The following PSMD1 variants were observed in gnomAD, a reference collection of about 807,000 sequenced individuals.
PSMD1 encodes the protein 26S proteasome non-ATPase regulatory subunit 1.
PSMD1 carries 18 observed loss-of-function variants against 119.0 expected under a neutral mutation model. That is an observed-to-expected ratio of 0.15 (90% CI 0.10 to 0.22). PSMD1 has a LOEUF of 0.22. Among genes scored for constraint, PSMD1 ranks in the 10% least tolerant of loss-of-function variants. The pLI is 1.00. For synonymous variants in PSMD1, 374 were observed against 396.6 expected, an observed-to-expected ratio of 0.94 and a Z score of 0.68; for missense variants, 702 against 1,158.5, an observed-to-expected ratio of 0.61 and a Z score of 5.72.
intron 16 of PSMD1, among the ~76,000 whole-genome samples, chr2:231,094,874 T>G (rs1024560092): frequency 1.3e-5 from 2 of 152,204 alleles, no homozygotes; most frequent in African/African-American, 4.8e-5. Context: ...GCTTTTTACT[T>G]GAAGGAATTC....
intron 16 of PSMD1, among the ~76,000 whole-genome samples, chr2:231,103,718 C>T (rs1694921618): frequency 6.6e-6 from 1 of 152,126 alleles, no homozygotes; most frequent in South Asian, 2.1e-4. Context: ...AGCTTTGTGA[C>T]TGGAACTCAT....
chr2:231,163,689 G>A lies in PSMD1; in HGVS notation c.2443G>A (p.Ala815Thr). ...NCKPSTFAYP[A>T]PLEVPKEKEK... ...TAAACCATCCACATTTGCATATCCTGCCCCTCTGGAAGTACCAAAAGAAAA... is the reference window on the plus strand; with the variant it reads ...TAAACCATCCACATTTGCATATCCTACCCCTCTGGAAGTACCAAAAGAAAA... The change falls in exon 21 of 25, where the codon GCC becomes ACC. Residue 815 changes from alanine (A) to threonine (T), a missense_variant. Physicochemically the swap from Ala to Thr is moderately conservative, Grantham distance 58. Transcript: ENST00000308696. 2 of 1,612,936 alleles carry A rather than the reference G, an allele frequency of 1.2e-6. No homozygotes were observed. Among genetic ancestry groups the A allele is most frequent in the Non-Finnish European group, 1.7e-6 (2 of 1,179,164 alleles).
rs372386094 is a variant in PSMD1 at position 231,170,515 on chromosome 2, G to A, written c.2716-51G>A. On this transcript the variant is annotated intron_variant, in intron 23 of 24. Coordinates refer to ENST00000308696, the MANE Select transcript of PSMD1 (RefSeq NM_002807.4). This position sits in a 1 kb window ranked among gnomAD's most constrained non-coding sequence, Gnocchi z 4.1. Reference sequence around the variant, plus strand: ...TAACAAGTATTTACTCTAGATTGTGGAGCACGCTTGAAATATGAGTGTACG... The same window carrying A: ...TAACAAGTATTTACTCTAGATTGTGAAGCACGCTTGAAATATGAGTGTACG... 6.7e-7 allele frequency: 1 copy of A among 1,491,506 alleles called. No individual in the cohort carries two copies. The highest frequency in any genetic ancestry group is 1.4e-5 in the African/African-American group (1 of 70,272). 92.4% of individuals were successfully genotyped at this position (1,491,506 alleles called of 1,614,324 possible).
intron 16 of PSMD1, among the ~76,000 whole-genome samples, chr2:231,089,622 T>A (rs1410826195): frequency 6.6e-6 from 1 of 151,918 alleles, no homozygotes; most frequent in Non-Finnish European, 1.5e-5. Context: ...TATGGGAGTT[T>A]ATTAAGTATT....
intron 2 of PSMD1, among the ~76,000 whole-genome samples, chr2:231,061,824 C>T (rs1323637561): frequency 6.6e-6 from 1 of 152,174 alleles, no homozygotes; most frequent in Admixed American, 6.5e-5. Flanking sequence ...CCCGCCTTGA[C>T]CTCCCAAAGT....
intron 1 of PSMD1, among the ~76,000 whole-genome samples, chr2:231,059,865 T>C (rs997138491): frequency 1.3e-5 from 2 of 152,232 alleles, no homozygotes; most frequent in African/African-American, 4.8e-5. Context: ...TGGGAAATAC[T>C]AATGTATGGA....
intron 16 of PSMD1, among the ~76,000 whole-genome samples, chr2:231,099,151 CG>C (rs1180056736): frequency 6.6e-6 from 1 of 152,068 alleles, no homozygotes; most frequent in Non-Finnish European, 1.5e-5. Flanking sequence ...GGACACTGAA[CG>C]GGGTTAGATA....
intron 16 of PSMD1, among the ~76,000 whole-genome samples, chr2:231,093,756 C>T (rs1694656511): frequency 6.6e-6 from 1 of 152,110 alleles, no homozygotes; most frequent in South Asian, 2.1e-4. Context: ...GGTTCTTACC[C>T]ATATTCCCCC....
chr2:231,062,450 G>C lies in PSMD1; in HGVS notation c.135-56G>C, dbSNP rs1157227888. ...TTGTGGCTTGAATATTTAGATTTGG[G>C]ATTTTTAGGGAAAACCACAGTTTGA... On this transcript the variant is annotated intron_variant, in intron 3 of 24. Transcript: ENST00000308696. 9.0e-6 allele frequency: 14 copies of C among 1,555,712 alleles called. No homozygotes were observed. In the Admixed American group the frequency reaches 1.6e-4, roughly 17 times the overall value.
At chr2:231,070,292 C>T in intron 6 of PSMD1, 124 bp downstream of exon 6, 1 of 766,984 alleles carries the variant, frequency 1.3e-6, no homozygotes, top group Non-Finnish European at 1.8e-6. Context: ...AGCTGATCTT[C>T]ACAGCAGCCC....
At chr2:231,076,734 A>T (rs1448054930) in intron 8 of PSMD1, among the ~76,000 whole-genome samples, 1 of 152,192 alleles carries the variant, frequency 6.6e-6, no homozygotes, top group Non-Finnish European at 1.5e-5. Flanking sequence ...TCTCAATTAA[A>T]ATATAAATTG....
At chr2:231,106,903 G>A (rs1694991792) in intron 16 of PSMD1, among the ~76,000 whole-genome samples, 2 of 152,104 alleles carry the variant, frequency 1.3e-5, no homozygotes, top group Non-Finnish European at 1.5e-5. Flanking sequence ...CTGTCATAGT[G>A]ATAACTGAAA....
intron 19 of PSMD1, 113 bp downstream of exon 19, chr2:231,153,779 G>A: frequency 5.1e-6 from 4 of 776,802 alleles, no homozygotes; most frequent in Non-Finnish European, 8.1e-6. Context: ...AATTATTCCT[G>A]GAGAAAATTT....
chr2:231,060,620 A>G (rs1466529233), intron 1 of PSMD1, among the ~76,000 whole-genome samples: 1 of 152,220 alleles, frequency 6.6e-6, no homozygotes, highest in African/African-American at 2.4e-5. Context: ...GAGAAGCCAT[A>G]TGGAGAACAC....
At chr2:231,085,478 C>T (rs979686580) in intron 15 of PSMD1, among the ~76,000 whole-genome samples, 5 of 152,212 alleles carry the variant, frequency 3.3e-5, no homozygotes, top group Admixed American at 6.5e-5. Flanking sequence ...TTTCTTTTTA[C>T]AGCCGGTAGA....
chr2:231,066,358 A>G (rs531746588), intron 4 of PSMD1, among the ~76,000 whole-genome samples: 1 of 152,336 alleles, frequency 6.6e-6, no homozygotes, highest in Non-Finnish European at 1.5e-5. Flanking sequence ...CATTAATGCA[A>G]AGAAGTCCGA....
chr2:231,112,554 C>T (rs1023496875), intron 16 of PSMD1, among the ~76,000 whole-genome samples: 2 of 152,160 alleles, frequency 1.3e-5, no homozygotes, highest in South Asian at 2.1e-4. Context: ...GCCCCAGTGC[C>T]CCTACTCAGA....
chr2:231,144,991 G>A (rs1016025213), intron 17 of PSMD1, among the ~76,000 whole-genome samples: 5 of 152,092 alleles, frequency 3.3e-5, no homozygotes, highest in Non-Finnish European at 5.9e-5. Flanking sequence ...ACCTCAAGAC[G>A]AGAGCGCTCA....
rs556622884 is a variant in PSMD1, at chr2:231,111,630, T to C, written c.1883+24449T>C. Among the ~76,000 whole-genome samples the C allele has an allele frequency of 2.6e-5, 4 of 152,360 alleles. No homozygotes were observed. In the East Asian group the frequency reaches 7.7e-4, roughly 29 times the overall value. On this transcript the variant is annotated intron_variant, in intron 16 of 24. Transcript: ENST00000308696. ...AACTGAGCTTATTGTCATCTGCATT[T>C]TCATTTTTTCAAAGTTATTAATTTG...
Sources: gnomAD v4.1 joint callset for allele counts (sites outside exome capture counted in the v4.1 genomes callset) on GRCh38, gnomAD v4.1.1 for gene constraint, Gnocchi (gnomAD v3.1) non-coding constraint, MANE v1.5 for transcripts, NCBI Gene and HGNC (gene_info 2026-07-23, HGNC 2026-07-21) for gene names.